The following GBF1 variants were observed in gnomAD, a reference collection of about 807,000 sequenced individuals.
The protein encoded by GBF1 is Golgi-specific brefeldin A-resistance guanine nucleotide exchange factor 1.
GBF1 carries 114 observed loss-of-function variants against 210.5 expected under a neutral mutation model. That is an observed-to-expected ratio of 0.54 (90% CI 0.47 to 0.63). GBF1 has a LOEUF of 0.63. Among genes scored for constraint, GBF1 ranks in the 30% least tolerant of loss-of-function variants. The pLI is 0.00. For missense variants in GBF1, 1,851 were observed against 2,357.7 expected, an observed-to-expected ratio of 0.79 and a Z score of 4.45; for synonymous variants, 850 against 889.2, an observed-to-expected ratio of 0.96 and a Z score of 0.78.
At chr10:102,365,346 G>T (rs2059855174) in intron 17 of GBF1, 51 bp from the exon 18 acceptor site, 1 of 1,449,920 alleles carries the variant, frequency 6.9e-7, no homozygotes, top group African/African-American at 1.4e-5. Flanking sequence ...GGCTGGCCTT[G>T]TCTAATTTAG....
In GBF1 at chr10:102,382,408, C is replaced by G. The variant is rs367736723; in HGVS notation, c.*72C>G. On this transcript the variant is annotated 3_prime_UTR_variant, in exon 40 of 40. Coordinates refer to ENST00000369983, the MANE Select transcript of GBF1 (RefSeq NM_001377137.1). Reference sequence around the variant, plus strand: ...CTTGACCCCACTTCTGGCTGTCCTGCGGGCCACAAGCTCTTCAGGCCAAGT... The same window carrying G: ...CTTGACCCCACTTCTGGCTGTCCTGGGGGCCACAAGCTCTTCAGGCCAAGT... 2.9e-6 allele frequency: 4 copies of G among 1,371,440 alleles called. No individual in the cohort carries two copies. The allele number at this position is 1,371,440 out of a possible 1,614,324, so 85.0% of individuals were successfully genotyped here.
the GBF1 span, among the ~76,000 whole-genome samples, chr10:102,234,871 T>G: frequency 7.9e-5 from 12 of 152,264 alleles, no homozygotes; most frequent in African/African-American, 2.9e-4. Context: ...TTGCTTTCAC[T>G]TTATTTCAGC....
At chr10:102,334,198 C>G (rs2057553144) in intron 3 of GBF1, among the ~76,000 whole-genome samples, 1 of 152,184 alleles carries the variant, frequency 6.6e-6, no homozygotes, top group African/African-American at 2.4e-5. Flanking sequence ...ACAGGCATTT[C>G]TGAAGCCAAA....
chr10:102,242,928 CAAA>C (rs58301527), upstream of GBF1, among the ~76,000 whole-genome samples: 19,612 of 132,172 alleles, frequency 0.15, 1,538 homozygotes, highest in East Asian at 0.36. Context: ...GACTCTGTCT[CAAA>C]AAAAAAAAAA....
intron 3 of GBF1, among the ~76,000 whole-genome samples, chr10:102,337,858 A>G (rs1565126807): frequency 6.6e-6 from 1 of 151,998 alleles, no homozygotes; most frequent in African/African-American, 2.4e-5. Flanking sequence ...CTCTGTCTCA[A>G]AAAGAAAGAA....
chr10:102,346,831 G>A (rs1329722302), intron 4 of GBF1, among the ~76,000 whole-genome samples: 3 of 152,144 alleles, frequency 2.0e-5, no homozygotes, highest in African/African-American at 7.2e-5. Context: ...TTTCCTGGAG[G>A]CTGAACATTT....
At chr10:102,287,508 G>C (rs1190750401) in intron 3 of GBF1, among the ~76,000 whole-genome samples, 1 of 151,840 alleles carries the variant, frequency 6.6e-6, no homozygotes, top group African/African-American at 2.4e-5. Context: ...AATTTCTAAG[G>C]GTCAGGAATC....
chr10:102,231,977 C>A, the GBF1 span: 2 of 1,609,914 alleles, frequency 1.2e-6, no homozygotes, highest in Non-Finnish European at 1.7e-6. Context: ...GTGCTCCTGG[C>A]CCTTGCAGCC....
At chr10:102,235,514 C>T in the GBF1 span, among the ~76,000 whole-genome samples, 1 of 152,126 alleles carries the variant, frequency 6.6e-6, no homozygotes, top group Admixed American at 6.5e-5. Flanking sequence ...TCTTCATCTC[C>T]GAAAGGAAGT....
rs537707932 is a variant in GBF1 at position 102,318,118 on chromosome 10, G to A, written c.164-25933G>A. The stretch of plus-strand genomic sequence containing the variant: ...AGAGACAAGGTTTCACCGTGGTCTC[G>A]ATCTCCTGACCTTGTGATCCGCCCG... On this transcript the variant is annotated intron_variant, in intron 3 of 39. Coordinates refer to ENST00000369983, the MANE Select transcript of GBF1 (RefSeq NM_001377137.1). 9.2e-5 allele frequency among the ~76,000 whole-genome samples: 14 copies of A among 152,050 alleles called. No homozygotes were observed. In the East Asian group the frequency reaches 2.1e-3, roughly 23 times the overall value.
intron 3 of GBF1, among the ~76,000 whole-genome samples, chr10:102,272,181 A>G (rs2074501644): frequency 6.6e-6 from 1 of 151,246 alleles, no homozygotes; most frequent in South Asian, 2.1e-4. Context: ...ATCTCAGCTC[A>G]CTGCAACCTC....
chr10:102,345,701 A>T (rs1226741034), intron 4 of GBF1, among the ~76,000 whole-genome samples: 1 of 150,552 alleles, frequency 6.6e-6, no homozygotes, highest in Admixed American at 6.6e-5. Context: ...AATGTACATG[A>T]TATAACTATT....
intron 1 of GBF1, among the ~76,000 whole-genome samples, chr10:102,255,722 T>G (rs1300587707): frequency 2.0e-5 from 3 of 152,244 alleles, no homozygotes; most frequent in East Asian, 3.8e-4. Flanking sequence ...TAAATCATTT[T>G]TGAATATATC....
At chr10:102,308,850 A>G (rs1357228267) in intron 3 of GBF1, among the ~76,000 whole-genome samples, 1 of 151,914 alleles carries the variant, frequency 6.6e-6, no homozygotes, top group Admixed American at 6.6e-5. Context: ...CATTGTGCAC[A>G]TGTACCCTAA....
At chr10:102,287,346 T>A (rs1417473429) in intron 3 of GBF1, among the ~76,000 whole-genome samples, 13 of 14,032 alleles carry the variant, frequency 9.3e-4, no homozygotes, top group Admixed American at 4.6e-3. Context: ...TTTATTTTCT[T>A]TTTTTTTTTT....
chr10:102,281,957 C>G (rs1426664637), intron 3 of GBF1, among the ~76,000 whole-genome samples: 1 of 145,574 alleles, frequency 6.9e-6, no homozygotes, highest in African/African-American at 2.5e-5. Context: ...GACAGAGTCT[C>G]GCTCTGTCGC....
At chr10:102,244,772 G>A (rs1044767253), upstream of GBF1, among the ~76,000 whole-genome samples, 3 of 152,152 alleles carry the variant, frequency 2.0e-5, no homozygotes, top group East Asian at 1.9e-4. Context: ...CCAGGGGTTC[G>A]TCTCTCTGCT....
chr10:102,281,264 C>T (rs2075449092), intron 3 of GBF1, among the ~76,000 whole-genome samples: 1 of 152,066 alleles, frequency 6.6e-6, no homozygotes, highest in African/African-American at 2.4e-5. Flanking sequence ...AACTCTATTG[C>T]AAGTCAGACA....
Position 102,380,669 on chromosome 10 carries a change from A to G in GBF1, c.5156A>G (p.Lys1719Arg). 1 of 1,611,478 alleles carries G rather than the reference A, an allele frequency of 6.2e-7. No homozygotes were observed. Among genetic ancestry groups the G allele is most frequent in the South Asian group, 1.1e-5 (1 of 90,776 alleles). ...CCTCACCTACGAGATGAACTCTTCA[A>G]GCAGACCGTCATCCAGGGTAGGGGG... ...FLPHLRDELF[K>R]QTVIQDPMPM... is the part of the protein sequence containing the mutation. The change falls in exon 38 of 40, where the codon AAG (lysine) becomes AGG (arginine). Residue 1719 changes from lysine to arginine, a missense_variant. Physicochemically the swap from Lys to Arg is conservative, Grantham distance 26. Coordinates refer to ENST00000369983, the MANE Select transcript of GBF1 (RefSeq NM_001377137.1).
Sources: allele counts gnomAD v4.1 joint callset (sites outside exome capture counted in the v4.1 genomes callset), GRCh38; gene constraint gnomAD v4.1.1; transcripts MANE v1.5; gene names NCBI Gene and HGNC (gene_info 2026-07-23, HGNC 2026-07-21).